Variants in TRIM44 observed in about 807,000 individuals in gnomAD.
TRIM44 encodes the protein tripartite motif containing 44, also known as tripartite motif-containing protein 44.
TRIM44 carries 13 observed loss-of-function variants against 37.4 expected under a neutral mutation model. The ratio of observed to expected loss-of-function variants is 0.35; its 90% CI spans 0.23 to 0.55. TRIM44 has a LOEUF of 0.55. TRIM44 is among the 20% of genes least tolerant of loss of function. TRIM44 has a pLI of 0.89. For missense variants in TRIM44, 426 were observed against 437.2 expected, an observed-to-expected ratio of 0.97 and a Z score of 0.23; for synonymous variants, 175 against 157.2, an observed-to-expected ratio of 1.11 and a Z score of -0.85.
intron 3 of TRIM44, among the ~76,000 whole-genome samples, chr11:35,728,348 G>A (rs1232567717): frequency 6.6e-6 from 1 of 151,970 alleles, no homozygotes; most frequent in Non-Finnish European, 1.5e-5. Context: ...TTTAATTTTG[G>A]GGTTTATTCT....
Position 35,662,906 on chromosome 11 carries a change from C to A in TRIM44, c.-206C>A. On this transcript the variant is annotated 5_prime_UTR_variant, in exon 1 of 5. Coordinates refer to ENST00000299413, the MANE Select transcript of TRIM44 (RefSeq NM_017583.6). ...GAGGAAGCGCAGGGACAGAGCGGAG[C>A]AGGCCGAGCCGGCGGAAAGGGTCTT... The A allele has an allele frequency of 1.2e-6, 1 of 816,262 alleles. No individual in the cohort carries two copies. The highest frequency in any genetic ancestry group is 1.7e-6 in the Non-Finnish European group (1 of 588,336). The allele number at this position is 816,262 out of a possible 1,614,324, so 50.6% of individuals were successfully genotyped here. A position where few individuals can be genotyped will look rare whatever the true frequency, so the allele number is the denominator to read the frequency against.
At chr11:35,696,540 T>C (rs1016918309) in intron 2 of TRIM44, among the ~76,000 whole-genome samples, 1 of 151,998 alleles carries the variant, frequency 6.6e-6, no homozygotes, top group African/African-American at 2.4e-5. Context: ...AGCCCCTTTT[T>C]TGGTAGTTTA....
In TRIM44 at chr11:35,773,718, G is replaced by A. The variant is rs373769992; in HGVS notation, c.1008-32640G>A. ...TTCCTACCTATGAGTGAGAACGTGCGGTGTTTGGTTTTCTGTCCTTGCGAT... is the reference window on the plus strand; with the variant it reads ...TTCCTACCTATGAGTGAGAACGTGCAGTGTTTGGTTTTCTGTCCTTGCGAT... On this transcript the variant is annotated intron_variant, in intron 4 of 4. Coordinates refer to ENST00000299413, the MANE Select transcript of TRIM44 (RefSeq NM_017583.6). Among the ~76,000 whole-genome samples, 15 of 152,168 alleles carry A rather than the reference G, an allele frequency of 9.9e-5. No homozygotes were observed. The South Asian group carries it at 1.5e-3, about 15-fold the overall frequency.
intron 2 of TRIM44, among the ~76,000 whole-genome samples, chr11:35,708,992 C>T (rs76192332): frequency 8.5e-6 from 1 of 118,192 alleles, no homozygotes; most frequent in Non-Finnish European, 1.8e-5. Flanking sequence ...GCCCCCCCCC[C>T]AAAAAAAAAG....
intron 2 of TRIM44, among the ~76,000 whole-genome samples, chr11:35,716,199 G>A (rs1852038172): frequency 6.6e-6 from 1 of 152,160 alleles, no homozygotes; most frequent in East Asian, 1.9e-4. Context: ...TGGGATTTGA[G>A]ACCAAGAATA....
rs564197423 is a variant in TRIM44, at chr11:35,707,365, T to C, written c.748-18559T>C. Among the ~76,000 whole-genome samples, 19 of 152,200 alleles carry C rather than the reference T, an allele frequency of 1.2e-4. No individual in the cohort carries two copies. The South Asian group carries it at 3.7e-3, about 30-fold the overall frequency. The stretch of plus-strand genomic sequence containing the variant: ...AAGGTAATTTATAGATTCAATGCCA[T>C]CCCCATGAAGCTACCAATGACTTTC... On this transcript the variant is annotated intron_variant, in intron 2 of 4. Coordinates refer to ENST00000299413, the MANE Select transcript of TRIM44 (RefSeq NM_017583.6).
chr11:35,679,158 A>T (rs554171598), intron 1 of TRIM44, among the ~76,000 whole-genome samples: 1 of 152,136 alleles, frequency 6.6e-6, no homozygotes, highest in Admixed American at 6.5e-5. Context: ...TATGTGGCTT[A>T]TATTTACATT....
chr11:35,802,610 A>G (rs2956334), intron 4 of TRIM44, among the ~76,000 whole-genome samples: 32,222 of 152,114 alleles, frequency 0.21, 3,930 homozygotes, highest in Admixed American at 0.39. Context: ...AAGGGTATCC[A>G]TACCCCAGTT....
intron 4 of TRIM44, among the ~76,000 whole-genome samples, chr11:35,795,585 T>C (rs1853272375): frequency 6.6e-6 from 1 of 152,150 alleles, no homozygotes; most frequent in Non-Finnish European, 1.5e-5. Flanking sequence ...TCTTTATTTT[T>C]TAAATGGCCT....
chr11:35,670,965 G>A (rs993474801), intron 1 of TRIM44, among the ~76,000 whole-genome samples: 1 of 152,172 alleles, frequency 6.6e-6, no homozygotes, highest in Non-Finnish European at 1.5e-5. Context: ...TAAATGTTTC[G>A]AGTGCAATGT....
intron 2 of TRIM44, among the ~76,000 whole-genome samples, chr11:35,711,510 T>C (rs1212000666): frequency 6.6e-6 from 1 of 151,484 alleles, no homozygotes. Context: ...TAATAGTACA[T>C]ATTTCATAGG....
rs1853538205 is a variant in TRIM44 at position 35,812,363 on chromosome 11, C to T, written c.*5978C>T. ...AAGACTGCTTGAAGTCAGTAACAGA[C>T]TGCACTAAGTGTCTGTGCTTGTTAA... On this transcript the variant is annotated 3_prime_UTR_variant, in exon 5 of 5. Transcript: ENST00000299413. The T allele has an allele frequency of 6.6e-6, 1 of 152,170 alleles. No homozygotes were observed. Among genetic ancestry groups the T allele is most frequent in the Non-Finnish European group, 1.5e-5 (1 of 68,026 alleles). 9.4% of individuals were successfully genotyped at this position (152,170 alleles called of 1,614,324 possible).
intron 4 of TRIM44, among the ~76,000 whole-genome samples, chr11:35,743,629 T>C (rs1367625835): frequency 2.0e-5 from 3 of 152,228 alleles, no homozygotes; most frequent in African/African-American, 7.2e-5. Context: ...TGCCTTCCTC[T>C]AATTTATTCT....
At chr11:35,756,184 G>A (rs886285526) in intron 4 of TRIM44, among the ~76,000 whole-genome samples, 10 of 152,086 alleles carry the variant, frequency 6.6e-5, no homozygotes, top group African/African-American at 2.4e-4. Context: ...ATTTCATTGA[G>A]CAGTGGTTTG....
intron 2 of TRIM44, among the ~76,000 whole-genome samples, chr11:35,690,597 A>C (rs1166736267): frequency 6.6e-6 from 1 of 152,236 alleles, no homozygotes; most frequent in Non-Finnish European, 1.5e-5. Context: ...TCAAGTTGTT[A>C]CATATAGAAG....
chr11:35,685,822 C>T (rs1334366362), intron 2 of TRIM44, among the ~76,000 whole-genome samples: 1 of 152,142 alleles, frequency 6.6e-6, no homozygotes, highest in Non-Finnish European at 1.5e-5. Flanking sequence ...CGCCACCATG[C>T]CCTGCTAATT....
intron 2 of TRIM44, among the ~76,000 whole-genome samples, chr11:35,692,669 A>G (rs1264939539): frequency 1.3e-5 from 2 of 152,188 alleles, no homozygotes; most frequent in African/African-American, 4.8e-5. Context: ...TCACGCCTGT[A>G]ATCCCAACAC....
chr11:35,751,925 G>A (rs931973750), intron 4 of TRIM44, among the ~76,000 whole-genome samples: 3 of 152,178 alleles, frequency 2.0e-5, no homozygotes, highest in Non-Finnish European at 4.4e-5. Context: ...AATTGAATGA[G>A]TATAAGTGAC....
chr11:35,669,922 A>AG (rs1564938849), intron 1 of TRIM44, among the ~76,000 whole-genome samples: 1 of 152,100 alleles, frequency 6.6e-6, no homozygotes. Context: ...CCTGGGTTCA[A>AG]GCAGTTCTCC....
Sources: gnomAD v4.1 joint callset for allele counts (sites outside exome capture counted in the v4.1 genomes callset) on GRCh38, gnomAD v4.1.1 for gene constraint, MANE v1.5 for transcripts, NCBI Gene and HGNC (gene_info 2026-07-23, HGNC 2026-07-21) for gene names.